The following PCMTD1 variants were observed in gnomAD, a reference collection of about 807,000 sequenced individuals.
PCMTD1 encodes protein-L-isoaspartate (D-aspartate) O-methyltransferase domain containing 1, also known as protein-L-isoaspartate O-methyltransferase domain-containing protein 1.
PCMTD1 carries 12 observed loss-of-function variants against 37.6 expected under a neutral mutation model. The observed-to-expected ratio is 0.32, with a 90% CI of 0.20 to 0.52. PCMTD1 has a LOEUF of 0.52. Among genes scored for constraint, PCMTD1 ranks in the 20% least tolerant of loss-of-function variants. The probability of loss-of-function intolerance (pLI) is 0.97; values close to 1 mark genes in which losing one functional copy is unlikely to be tolerated. For synonymous variants in PCMTD1, 117 were observed against 135.8 expected (o/e 0.86, Z 0.96); for missense variants, 235 against 421.3 (o/e 0.56, Z 3.87).
At chr8:51,822,503 T>C (rs2037863075) in intron 5 of PCMTD1, among the ~76,000 whole-genome samples, 1 of 152,216 alleles carries the variant, frequency 6.6e-6, no homozygotes, top group Non-Finnish European at 1.5e-5. Context: ...TACTTTGTGT[T>C]AGATGTGAAT....
At chr8:51,834,787 T>C (rs1183348398) in intron 3 of PCMTD1, among the ~76,000 whole-genome samples, 1 of 152,156 alleles carries the variant, frequency 6.6e-6, no homozygotes, top group Non-Finnish European at 1.5e-5. Flanking sequence ...TAAACATCTA[T>C]TTCCTAAAGA....
At chr8:51,849,951 T>A (rs1008112902) in intron 2 of PCMTD1, 2 of 652,072 alleles carry the variant, frequency 3.1e-6, no homozygotes, top group Non-Finnish European at 5.5e-6. Context: ...TGAAGTTCAC[T>A]GTGCCTTTAG....
chr8:51,869,126 A>G (rs2129289180), intron 1 of PCMTD1, among the ~76,000 whole-genome samples: 1 of 152,320 alleles, frequency 6.6e-6, no homozygotes, highest in Admixed American at 6.5e-5. Context: ...ATTATAATTG[A>G]TGTACACTTG....
At chr8:51,879,559 G>A (rs1030086187) in intron 1 of PCMTD1, among the ~76,000 whole-genome samples, 1 of 152,202 alleles carries the variant, frequency 6.6e-6, no homozygotes, top group East Asian at 1.9e-4. Flanking sequence ...TGTGAAAACT[G>A]AGTACTTACA....
At chr8:51,884,924 G>A (rs767116504) in intron 1 of PCMTD1, among the ~76,000 whole-genome samples, 28 of 152,184 alleles carry the variant, frequency 1.8e-4, no homozygotes, top group Non-Finnish European at 4.0e-4. Context: ...TCTGTAAGTA[G>A]TGGCTGTTTC....
At chr8:51,866,888 AC>A (rs1256395836) in intron 1 of PCMTD1, among the ~76,000 whole-genome samples, 1 of 152,064 alleles carries the variant, frequency 6.6e-6, no homozygotes, top group Non-Finnish European at 1.5e-5. Flanking sequence ...AAACAAAAAA[AC>A]TGCAAACCAT....
chr8:51,895,934 A>ATTTTTTT lies in PCMTD1; in HGVS notation c.-96+2995_-96+2996insAAAAAAA, dbSNP rs1563367741. On this transcript the variant is annotated intron_variant, in intron 1 of 5. Transcript: ENST00000522514. ...CTTTATTAATGTTAGTATTTGTCCCATTTCTTTTTTTTTTTTTTTTTTTTT... is the reference window on the plus strand; with the variant it reads ...CTTTATTAATGTTAGTATTTGTCCCATTTTTTTTTTCTTTTTTTTTTTTTTTTTTTTT... 6.9e-5 allele frequency: 8 copies of ATTTTTTT among 116,670 alleles called. 3 individuals carry two copies. Among genetic ancestry groups the ATTTTTTT allele is most frequent in the South Asian group, 2.7e-4 (1 of 3,766 alleles). 7.2% of individuals were successfully genotyped at this position (116,670 alleles called of 1,614,324 possible). A position where few individuals can be genotyped will look rare whatever the true frequency, so the allele number is the denominator to read the frequency against.
intron 1 of PCMTD1, among the ~76,000 whole-genome samples, chr8:51,883,631 T>C (rs1480079460): frequency 6.6e-6 from 1 of 152,134 alleles, no homozygotes; most frequent in Non-Finnish European, 1.5e-5. Context: ...GTTCAGAAAG[T>C]CAAACTGAAA....
chr8:51,854,120 C>T (rs767198457), intron 2 of PCMTD1, among the ~76,000 whole-genome samples: 1 of 152,170 alleles, frequency 6.6e-6, no homozygotes, highest in Non-Finnish European at 1.5e-5. Context: ...AGCCACTTCA[C>T]ATCACTGGAG....
intron 1 of PCMTD1, among the ~76,000 whole-genome samples, chr8:51,889,628 G>A (rs1035782291): frequency 2.0e-5 from 3 of 152,064 alleles, no homozygotes; most frequent in Non-Finnish European, 2.9e-5. Flanking sequence ...CTATAAAATG[G>A]GAATAACAAT....
intron 2 of PCMTD1, among the ~76,000 whole-genome samples, chr8:51,859,423 T>G (rs1415619005): frequency 6.6e-6 from 1 of 152,144 alleles, no homozygotes; most frequent in Non-Finnish European, 1.5e-5. Flanking sequence ...AAATGTAAGC[T>G]TCTAGATTTC....
intron 1 of PCMTD1, among the ~76,000 whole-genome samples, chr8:51,880,508 A>G (rs2038776528): frequency 1.3e-5 from 2 of 152,156 alleles, no homozygotes; most frequent in African/African-American, 4.8e-5. Context: ...TGGGAACTCT[A>G]GCATCTCTAC....
At chr8:51,848,246 C>T (rs557397106) in intron 2 of PCMTD1, among the ~76,000 whole-genome samples, 2 of 147,874 alleles carry the variant, frequency 1.4e-5, no homozygotes, top group East Asian at 2.0e-4. Context: ...ATGTTCCTGC[C>T]ACTACAATCC....
chr8:51,831,627 T>C (rs747401090), intron 4 of PCMTD1, 60 bp from the exon 5 acceptor site: 2 of 1,527,714 alleles, frequency 1.3e-6, no homozygotes, highest in East Asian at 4.6e-5. Context: ...GTGGTCACCT[T>C]ACAGTCAAAA....
intron 4 of PCMTD1, among the ~76,000 whole-genome samples, chr8:51,833,022 G>A (rs1199794925): frequency 6.6e-6 from 1 of 152,062 alleles, no homozygotes. Flanking sequence ...TTTTGTATCT[G>A]TTTGTAGAGA....
intron 5 of PCMTD1, among the ~76,000 whole-genome samples, chr8:51,822,060 T>TA (rs1470310717): frequency 1.3e-5 from 2 of 152,112 alleles, no homozygotes; most frequent in Admixed American, 1.3e-4. Flanking sequence ...TGGGTGGTCA[T>TA]AAAGGTCTCC....
intron 5 of PCMTD1, among the ~76,000 whole-genome samples, chr8:51,830,807 A>C (rs1378680925): frequency 6.6e-6 from 1 of 152,182 alleles, no homozygotes; most frequent in Non-Finnish European, 1.5e-5. Context: ...CATAATTTAG[A>C]TGTTGCCTTG....
rs1242208328 is a variant in PCMTD1, at chr8:51,831,452, A to C, written c.698T>G (p.Val233Gly). Residue 233 changes from valine to glycine, a missense_variant, in exon 5 of 6, where the codon GTG becomes GGG. This residue lies in a region of PCMTD1 where 183 missense variants were observed against 349.3 expected (regional missense o/e 0.52). Transcript: ENST00000522514. ...SKNDNGKPDS[V>G]GLPPCAVRNL... Reference sequence around the variant, plus strand: ...TATGAAGAGCTACTTACGGAGTCCCACAGAATCTGGTTTGCCATTATCATT... The same window carrying C: ...TATGAAGAGCTACTTACGGAGTCCCCCAGAATCTGGTTTGCCATTATCATT... 6.2e-7 allele frequency: 1 copy of C among 1,613,000 alleles called. No individual in the cohort carries two copies. The highest frequency in any genetic ancestry group is 8.5e-7 in the Non-Finnish European group (1 of 1,179,708).
chr8:51,858,607 A>G (rs1335495095), intron 2 of PCMTD1, among the ~76,000 whole-genome samples: 1 of 152,236 alleles, frequency 6.6e-6, no homozygotes, highest in Non-Finnish European at 1.5e-5. Context: ...AAGCTTCCTC[A>G]GAAGCCTGGT....
Sources: allele counts gnomAD v4.1 joint callset (sites outside exome capture counted in the v4.1 genomes callset), GRCh38; gene constraint gnomAD v4.1.1; regional missense constraint gnomAD v4.1.1; transcripts MANE v1.5; gene names NCBI Gene and HGNC (gene_info 2026-07-23, HGNC 2026-07-21).